Variants in VWA8 observed in about 807,000 individuals in gnomAD.
The protein encoded by VWA8 is von Willebrand factor A domain containing 8, also known as von Willebrand factor A domain-containing protein 8.
A neutral mutation model predicts 241.5 loss-of-function variants in VWA8; 221 were observed. The observed-to-expected ratio is 0.91, with a 90% CI of 0.82 to 1.02. The LOEUF is 1.02. VWA8 is among the 50% of genes least tolerant of loss of function. The probability of loss-of-function intolerance (pLI) is 0.00; values close to 1 mark genes in which losing one functional copy is unlikely to be tolerated. For synonymous variants in VWA8, 852 were observed against 827.1 expected (o/e 1.03, Z -0.52); for missense variants, 2,322 against 2,328.7 (o/e 1.00, Z 0.06).
At chr13:41,891,783 T>A (rs755817520) in intron 4 of VWA8, among the ~76,000 whole-genome samples, 196 bp from the exon 5 acceptor site, 1 of 152,216 alleles carries the variant, frequency 6.6e-6, no homozygotes, top group Non-Finnish European at 1.5e-5. Context: ...TGGGCCTGTT[T>A]ATTCGTTTGT....
intron 2 of VWA8, among the ~76,000 whole-genome samples, chr13:41,924,128 A>C (rs1295461718): frequency 6.6e-6 from 1 of 152,210 alleles, no homozygotes; most frequent in Non-Finnish European, 1.5e-5. Flanking sequence ...ATTCAGCAAG[A>C]TATAAGAGAA....
chr13:41,573,610 C>CACATATATATATAT (rs1555303639), intron 43 of VWA8, among the ~76,000 whole-genome samples: 1 of 140,190 alleles, frequency 7.1e-6, no homozygotes, highest in African/African-American at 2.8e-5. Context: ...TATATATACG[C>CACATATATATATAT]ATATATATGG....
At chr13:41,829,571 A>G (rs894790906) in intron 14 of VWA8, among the ~76,000 whole-genome samples, 3 of 150,938 alleles carry the variant, frequency 2.0e-5, no homozygotes, top group East Asian at 1.9e-4. Context: ...ACACACATGC[A>G]CACACACACA....
intron 4 of VWA8, among the ~76,000 whole-genome samples, chr13:41,899,191 G>A (rs943679597): frequency 6.6e-6 from 1 of 152,124 alleles, no homozygotes; most frequent in Non-Finnish European, 1.5e-5. Context: ...AACTAAAAAG[G>A]AAAATTAATA....
At chr13:41,926,658 G>T in intron 2 of VWA8, 1 of 542,524 alleles carries the variant, frequency 1.8e-6, no homozygotes, top group South Asian at 1.4e-5. Context: ...ATGGTTTCAG[G>T]GATGGTAAAG....
chr13:41,917,343 T>C (rs11617534), intron 2 of VWA8, among the ~76,000 whole-genome samples: 55,469 of 152,004 alleles, frequency 0.36, 10,460 homozygotes, highest in African/African-American at 0.46. Context: ...AGACCTACTG[T>C]GATTTTTCAT....
At chr13:41,639,348 G>A (rs573670336) in intron 37 of VWA8, among the ~76,000 whole-genome samples, 23 of 152,276 alleles carry the variant, frequency 1.5e-4, no homozygotes, top group African/African-American at 4.1e-4. Context: ...TGAACACAAG[G>A]AAAGCCATTC....
intron 29 of VWA8, 37 bp downstream of exon 29, chr13:41,699,034 G>A (rs536704129): frequency 6.2e-7 from 1 of 1,612,340 alleles, no homozygotes; most frequent in Non-Finnish European, 8.5e-7. Flanking sequence ...TTTCATGTAA[G>A]TCATTCCTCA....
intron 21 of VWA8, among the ~76,000 whole-genome samples, chr13:41,758,397 A>AGT (rs1363449644): frequency 0.18 from 1,586 of 8,600 alleles, 95 homozygotes; most frequent in Middle Eastern, 0.33. Flanking sequence ...TATATACGCT[A>AGT]GTATATATAT....
intron 8 of VWA8, among the ~76,000 whole-genome samples, chr13:41,884,998 C>T (rs190649146): frequency 1.7e-3 from 255 of 152,214 alleles, no homozygotes; most frequent in Non-Finnish European, 3.3e-3. Context: ...TGCCCTCCTC[C>T]ACAGGGTCTC....
chr13:41,657,503 A>G (rs979886678), intron 37 of VWA8, among the ~76,000 whole-genome samples: 3 of 146,858 alleles, frequency 2.0e-5, no homozygotes, highest in Non-Finnish European at 3.0e-5. Flanking sequence ...TTTTTTTTGA[A>G]ACGGAGTCTC....
At chr13:41,784,743 T>TATACACACACAC (rs1869099138) in intron 18 of VWA8, among the ~76,000 whole-genome samples, 2 of 94,980 alleles carry the variant, frequency 2.1e-5, no homozygotes, top group South Asian at 4.2e-4. Flanking sequence ...CACACATATA[T>TATACACACACAC]ATATATATAT....
At chr13:41,724,415 A>G (rs193052832) in intron 24 of VWA8, among the ~76,000 whole-genome samples, 92 of 152,290 alleles carry the variant, frequency 6.0e-4, no homozygotes, top group African/African-American at 2.2e-3. Context: ...GCCTGATTGC[A>G]GATGGGAATA....
intron 4 of VWA8, among the ~76,000 whole-genome samples, chr13:41,895,417 G>C (rs975799065): frequency 1.3e-5 from 2 of 152,132 alleles, no homozygotes; most frequent in African/African-American, 2.4e-5. Context: ...GTTTTACTAG[G>C]CATAGGAATT....
intron 12 of VWA8, among the ~76,000 whole-genome samples, chr13:41,859,914 G>C (rs562488976): frequency 5.8e-4 from 88 of 152,254 alleles, no homozygotes; most frequent in African/African-American, 2.0e-3. Context: ...AAAACAGATG[G>C]TGTATCTACT....
chr13:41,694,648 A>G (rs1270046025), intron 29 of VWA8, among the ~76,000 whole-genome samples: 1 of 152,108 alleles, frequency 6.6e-6, no homozygotes. Flanking sequence ...TTCTTGTATA[A>G]TAAATATGTA....
intron 2 of VWA8, among the ~76,000 whole-genome samples, chr13:41,945,495 C>T (rs1877809494): frequency 1.3e-5 from 2 of 152,126 alleles, no homozygotes; most frequent in Non-Finnish European, 2.9e-5. Context: ...TCAGCTACCA[C>T]AAATACATTC....
At chr13:41,903,145 C>T (rs1566500664) in intron 4 of VWA8, among the ~76,000 whole-genome samples, 1 of 152,106 alleles carries the variant, frequency 6.6e-6, no homozygotes, top group Non-Finnish European at 1.5e-5. Flanking sequence ...AGTCAACTGG[C>T]AAATTCATCT....
chr13:41,955,067 A>G (rs1878294582), intron 1 of VWA8, among the ~76,000 whole-genome samples: 1 of 152,156 alleles, frequency 6.6e-6, no homozygotes, highest in Non-Finnish European at 1.5e-5. Flanking sequence ...CAAATGAATA[A>G]TTATAATTTT....
Sources: allele counts gnomAD v4.1 joint callset (sites outside exome capture counted in the v4.1 genomes callset), GRCh38; gene constraint gnomAD v4.1.1; transcripts MANE v1.5; gene names NCBI Gene and HGNC (gene_info 2026-07-23, HGNC 2026-07-21).